Variants in OXNAD1 observed in about 807,000 individuals in gnomAD.
OXNAD1 encodes the protein oxidoreductase NAD binding domain containing 1.
A neutral mutation model predicts 32.9 loss-of-function variants in OXNAD1; 34 were observed. The observed-to-expected ratio is 1.03, with a 90% CI of 0.79 to 1.38. The LOEUF (loss-of-function observed/expected upper bound fraction) is 1.38. Ranked by LOEUF, OXNAD1 falls within the 40% of genes most tolerant of loss-of-function variation. The pLI is 0.00. For synonymous variants in OXNAD1, 134 were observed against 135.2 expected, an observed-to-expected ratio of 0.99 and a Z score of 0.06; for missense variants, 407 against 379.4, an observed-to-expected ratio of 1.07 and a Z score of -0.60.
rs189361383 is a variant in OXNAD1 at position 16,286,818 on chromosome 3, G to C, written c.290+370G>C. Among the ~76,000 whole-genome samples the C allele has an allele frequency of 2.2e-3, 328 of 152,350 alleles. 1 individual carries two copies. Among genetic ancestry groups the C allele is most frequent in the Admixed American group, 4.2e-3 (64 of 15,302 alleles). ...TCTCCTTGAGTTACGTGTTGCAGGA[G>C]ATTCATAGGTTTTTTAAAAGTAGTC... On this transcript the variant is annotated intron_variant, in intron 5 of 8. Coordinates refer to ENST00000285083, the MANE Select transcript of OXNAD1 (RefSeq NM_138381.5).
chr3:16,285,547 A>G (rs1304628274), intron 4 of OXNAD1, among the ~76,000 whole-genome samples: 1 of 152,220 alleles, frequency 6.6e-6, no homozygotes, highest in Non-Finnish European at 1.5e-5. Context: ...TAAAGGAAAT[A>G]GATACCTTTT....
Position 16,301,962 on chromosome 3 carries a change from G to T in OXNAD1, c.675+94G>T. On this transcript the variant is annotated intron_variant, in intron 7 of 8. Transcript: ENST00000285083. This position sits in a 1 kb window ranked among gnomAD's most constrained non-coding sequence, Gnocchi z 4.1. Reference sequence around the variant, plus strand: ...TCTAGGTTTTGTTTTCTCTGCAAAGGTTCAAACAAAAGGCTTGGCAAGATT... The same window carrying T: ...TCTAGGTTTTGTTTTCTCTGCAAAGTTTCAAACAAAAGGCTTGGCAAGATT... 2.6e-5 allele frequency: 39 copies of T among 1,477,158 alleles called. No individual in the cohort carries two copies. Among genetic ancestry groups the T allele is most frequent in the Non-Finnish European group, 3.5e-5 (39 of 1,099,558 alleles). 91.5% of individuals were successfully genotyped at this position (1,477,158 alleles called of 1,614,324 possible).
At chr3:16,310,857 G>T (rs1418967172), downstream of OXNAD1, among the ~76,000 whole-genome samples, 1 of 151,930 alleles carries the variant, frequency 6.6e-6, no homozygotes, top group Non-Finnish European at 1.5e-5. Context: ...GGGCGTGGTG[G>T]TGCATGCCTG....
chr3:16,286,664 C>T (rs1224180122), intron 5 of OXNAD1, among the ~76,000 whole-genome samples: 3 of 152,182 alleles, frequency 2.0e-5, no homozygotes, highest in Admixed American at 1.3e-4. Flanking sequence ...CTCCCTCAGT[C>T]GTATATGAAA....
chr3:16,265,869 A>G lies in OXNAD1; in HGVS notation c.-159+364A>G, dbSNP rs2064458889. 2.0e-6 allele frequency: 2 copies of G among 985,302 alleles called. No homozygotes were observed. Among genetic ancestry groups the G allele is most frequent in the Non-Finnish European group, 2.4e-6 (2 of 829,810 alleles). The allele number at this position is 985,302 out of a possible 1,614,324, so 61.0% of individuals were successfully genotyped here. On this transcript the variant is annotated intron_variant, in intron 1 of 8. Transcript: ENST00000285083. The surrounding 1 kb of genome is among the most constrained non-coding windows in gnomAD (Gnocchi z 4.8). ...GGAACAAATTACTTATGTGAGTACCAGTTTTTTCGTTGTGAAAGAAATGGT... is the reference window on the plus strand; with the variant it reads ...GGAACAAATTACTTATGTGAGTACCGGTTTTTTCGTTGTGAAAGAAATGGT...
intron 9 of OXNAD1, among the ~76,000 whole-genome samples, chr3:16,347,077 T>C (rs1210409552): frequency 6.6e-6 from 1 of 152,212 alleles, no homozygotes. Context: ...CCTGGGCTTC[T>C]GTTGGCCTTT....
chr3:16,301,805 A>G lies in OXNAD1; in HGVS notation c.612A>G (p.Gly204=). 1 of 1,614,112 alleles carries G rather than the reference A, an allele frequency of 6.2e-7. No individual in the cohort carries two copies. The highest frequency in any genetic ancestry group is 8.5e-7 in the Non-Finnish European group (1 of 1,179,970). ...GAGAGCAGGCAAACAAAAGAAATGG[A>G]TATGAGATAGGAACAATAAAACTAT... ...LLREQANKRN[G]YEIGTIKLFY... The change falls in exon 7 of 9, where the codon GGA becomes GGG. Residue 204 remains glycine, a synonymous_variant. Transcript: ENST00000285083. The surrounding 1 kb of genome is among the most constrained non-coding windows in gnomAD (Gnocchi z 4.1).
Position 16,334,909 on chromosome 3 carries a change from A to G in OXNAD1, c.*31-2203A>G, listed in dbSNP as rs2125261680. ...AGGCAGGAAGGCCAGAGTCAGAGGAAGAGATGTGATGGCAGCAGCAGAGGC... is the reference window on the plus strand; with the variant it reads ...AGGCAGGAAGGCCAGAGTCAGAGGAGGAGATGTGATGGCAGCAGCAGAGGC... On this transcript the variant is annotated intron_variant, in intron 9 of 9. Transcript: ENST00000435829. The surrounding 1 kb of genome is among the most constrained non-coding windows in gnomAD (Gnocchi z 4.3). Among the ~76,000 whole-genome samples, 1 of 152,296 alleles carries G rather than the reference A, an allele frequency of 6.6e-6. No individual in the cohort carries two copies. The highest frequency in any genetic ancestry group is 2.4e-5 in the African/African-American group (1 of 41,574).
rs2292616 is a variant in OXNAD1 at position 16,301,487 on chromosome 3, C to T, written c.433-139C>T. 11,147 of 1,024,274 alleles carry T rather than the reference C, an allele frequency of 0.011. 453 individuals are homozygous for T. The highest frequency in any genetic ancestry group is 0.11 in the East Asian group (4,054 of 38,390). 63.4% of individuals were successfully genotyped at this position (1,024,274 alleles called of 1,614,324 possible). A position where few individuals can be genotyped will look rare whatever the true frequency, so the allele number is the denominator to read the frequency against. The stretch of plus-strand genomic sequence containing the variant: ...CAAGTGGAATCAATTCACAGGGCAT[C>T]GGGAAAATTGGGAGCAAGCTATAAA... On this transcript the variant is annotated intron_variant, in intron 6 of 8. Transcript: ENST00000285083. The surrounding 1 kb of genome is among the most constrained non-coding windows in gnomAD (Gnocchi z 4.1).
rs1290573229 is a variant in OXNAD1 at position 16,314,629 on chromosome 3, GAA to G, written c.*30+11042_*30+11043del. The G allele has an allele frequency of 1.3e-5, 2 of 152,264 alleles. No individual in the cohort carries two copies. The highest frequency in any genetic ancestry group is 4.8e-5 in the African/African-American group (2 of 41,540). The allele number at this position is 152,264 out of a possible 1,614,324, so 9.4% of individuals were successfully genotyped here. ...CAGCAGGGTGTAGAGAAGCAAGGGA[GAA>G]AAAACAAGACCTTTAGGAACTGTTA... is the stretch of plus-strand genomic sequence containing the variant. On this transcript the variant is annotated intron_variant, in intron 9 of 9. Coordinates refer to the OXNAD1 transcript ENST00000435829. This position sits in a 1 kb window ranked among gnomAD's most constrained non-coding sequence, Gnocchi z 4.4.
At position 16,322,485 on chromosome 3, in the gene OXNAD1, C is replaced by T. The variant is rs907569982; in HGVS notation, c.*31-14627C>T. ...AGGAGCCGAGCAGGTCAGGCAGGCC[C>T]TGCCGAGAATGTGGCCTCAGCCATC... is the stretch of plus-strand genomic sequence containing the variant. On this transcript the variant is annotated intron_variant, in intron 9 of 9. Transcript: ENST00000435829. This position sits in a 1 kb window ranked among gnomAD's most constrained non-coding sequence, Gnocchi z 6.2. 6.6e-6 allele frequency among the ~76,000 whole-genome samples: 1 copy of T among 152,210 alleles called. No homozygotes were observed. The highest frequency in any genetic ancestry group is 2.4e-5 in the African/African-American group (1 of 41,456).
In OXNAD1 at chr3:16,321,251, A is replaced by C; in HGVS notation, c.*31-15861A>C. Among the ~76,000 whole-genome samples the C allele has an allele frequency of 6.6e-6, 1 of 152,142 alleles. No homozygotes were observed. Among genetic ancestry groups the C allele is most frequent in the Middle Eastern group, 3.2e-3 (1 of 316 alleles). On this transcript the variant is annotated intron_variant, in intron 9 of 9. Transcript: ENST00000435829. This position sits in a 1 kb window ranked among gnomAD's most constrained non-coding sequence, Gnocchi z 4.8. Reference sequence around the variant, plus strand: ...GGGGTGCAGTGAGGGCTGAAAATGCAGGCGGAATGGTCATTGGCACAGAGG... The same window carrying C: ...GGGGTGCAGTGAGGGCTGAAAATGCCGGCGGAATGGTCATTGGCACAGAGG...
In OXNAD1 at chr3:16,327,816, GCC is replaced by G. The variant is rs1553719497; in HGVS notation, c.*31-9294_*31-9293del. Among the ~76,000 whole-genome samples the G allele has an allele frequency of 6.6e-6, 1 of 151,332 alleles. No homozygotes were observed. The highest frequency in any genetic ancestry group is 1.5e-5 in the Non-Finnish European group (1 of 67,800). ...AGCCCCCTGCTAGCACAGGGAGAGA[GCC>G]CTGATGTGAGGCCCCTGCACTGGCT... On this transcript the variant is annotated intron_variant, in intron 9 of 9. Coordinates refer to the OXNAD1 transcript ENST00000435829. This position sits in a 1 kb window ranked among gnomAD's most constrained non-coding sequence, Gnocchi z 4.2.
intron 4 of OXNAD1, among the ~76,000 whole-genome samples, chr3:16,274,896 A>G (rs2065211274): frequency 6.6e-6 from 1 of 152,226 alleles, no homozygotes; most frequent in African/African-American, 2.4e-5. Context: ...AGTTTTTCTA[A>G]AAATGAGCAT....
At chr3:16,266,432 C>G (rs767344801) in intron 1 of OXNAD1, among the ~76,000 whole-genome samples, 1 of 151,860 alleles carries the variant, frequency 6.6e-6, no homozygotes, top group African/African-American at 2.4e-5. Flanking sequence ...GATGAAGCCC[C>G]GTCTTTACTA....
In OXNAD1 at chr3:16,289,146, T is replaced by C. The variant is rs1357573047; in HGVS notation, c.290+2698T>C. Reference sequence around the variant, plus strand: ...AATGCCTACTGTTAACTTCATTTGTTTGATTTTAGCTTTTGTTATTGCTAA... The same window carrying C: ...AATGCCTACTGTTAACTTCATTTGTCTGATTTTAGCTTTTGTTATTGCTAA... On this transcript the variant is annotated intron_variant, in intron 5 of 8. Transcript: ENST00000285083. This position sits in a 1 kb window ranked among gnomAD's most constrained non-coding sequence, Gnocchi z 4.9. 6.6e-6 allele frequency among the ~76,000 whole-genome samples: 1 copy of C among 152,252 alleles called. No homozygotes were observed. Among genetic ancestry groups the C allele is most frequent in the Non-Finnish European group, 1.5e-5 (1 of 68,044 alleles).
exon 10 of OXNAD1, chr3:16,349,238 A>G (rs1474512949): frequency 6.6e-6 from 1 of 152,280 alleles, no homozygotes. Flanking sequence ...GGCTCAGAGG[A>G]AAGTTCAATA....
chr3:16,339,592 A>G (rs370939528), downstream of OXNAD1: 13 of 152,314 alleles, frequency 8.5e-5, no homozygotes, highest in East Asian at 2.3e-3. Flanking sequence ...GGGACAAACC[A>G]ATGATGAAAA....
At chr3:16,352,027 C>G (rs1373544873), downstream of OXNAD1, among the ~76,000 whole-genome samples, 1 of 152,206 alleles carries the variant, frequency 6.6e-6, no homozygotes, top group Non-Finnish European at 1.5e-5. The surrounding 1 kb of genome is among the most constrained non-coding windows in gnomAD (Gnocchi z 4.6). Flanking sequence ...AGACACTCAA[C>G]TCAAAAAGAC....
Sources: allele counts gnomAD v4.1 joint callset (sites outside exome capture counted in the v4.1 genomes callset), GRCh38; gene constraint gnomAD v4.1.1; non-coding constraint Gnocchi (gnomAD v3.1); transcripts MANE v1.5; gene names NCBI Gene and HGNC (gene_info 2026-07-23, HGNC 2026-07-21).